Variants in HS3ST4 observed in about 807,000 individuals in gnomAD.
The protein encoded by HS3ST4 is heparan sulfate-glucosamine 3-sulfotransferase 4, also known as heparan sulfate glucosamine 3-O-sulfotransferase 4.
A neutral mutation model predicts 29.2 loss-of-function variants in HS3ST4; 17 were observed. The ratio of observed to expected loss-of-function variants is 0.58; its 90% CI spans 0.40 to 0.87. HS3ST4 has a LOEUF of 0.87. Ranked by LOEUF, HS3ST4 falls within the 40% of genes least tolerant of loss-of-function variation. The pLI, the probability that HS3ST4 is intolerant of heterozygous loss-of-function variation, is 0.00. For missense variants in HS3ST4, 627 were observed against 634.5 expected (o/e 0.99, Z 0.13); for synonymous variants, 314 against 285.7 (o/e 1.10, Z -1.00).
chr16:25,956,541 G>C (rs1452836458), intron 1 of HS3ST4, among the ~76,000 whole-genome samples: 1 of 152,166 alleles, frequency 6.6e-6, no homozygotes, highest in Non-Finnish European at 1.5e-5. Context: ...CCAGTGATAT[G>C]ATCTTATACC....
chr16:25,970,835 A>C (rs1968889981), intron 1 of HS3ST4, among the ~76,000 whole-genome samples: 1 of 151,520 alleles, frequency 6.6e-6, no homozygotes, highest in Non-Finnish European at 1.5e-5. Context: ...TTTACATGAC[A>C]CCTTTTGTAC....
intron 1 of HS3ST4, among the ~76,000 whole-genome samples, chr16:25,739,751 G>C (rs1403857732): frequency 2.0e-5 from 3 of 152,172 alleles, no homozygotes; most frequent in Non-Finnish European, 4.4e-5. Flanking sequence ...TGATGATGTT[G>C]GTTATTGAAA....
At chr16:25,920,602 A>G (rs55979509) in intron 1 of HS3ST4, among the ~76,000 whole-genome samples, 1 of 88,162 alleles carries the variant, frequency 1.1e-5, no homozygotes, top group African/African-American at 5.9e-5. Flanking sequence ...TGCCGCCCCC[A>G]CCCCTCTTTT....
intron 1 of HS3ST4, among the ~76,000 whole-genome samples, chr16:25,850,479 C>T (rs138676537): frequency 6.4e-4 from 98 of 152,292 alleles, no homozygotes; most frequent in African/African-American, 2.3e-3. Flanking sequence ...TATTCTTCCC[C>T]TCTATGTCTA....
At chr16:26,118,925 A>G (rs1274041529) in intron 1 of HS3ST4, among the ~76,000 whole-genome samples, 1 of 152,226 alleles carries the variant, frequency 6.6e-6, no homozygotes, top group African/African-American at 2.4e-5. Flanking sequence ...GGATTTAAGC[A>G]CAGGAGTGAT....
chr16:26,093,369 T>C (rs1345035777), intron 1 of HS3ST4, among the ~76,000 whole-genome samples: 2 of 152,000 alleles, frequency 1.3e-5, no homozygotes, highest in Non-Finnish European at 2.9e-5. Flanking sequence ...AGGCGGGTGC[T>C]CCTCTGGGAC....
At chr16:26,039,224 C>T (rs1458173136) in intron 1 of HS3ST4, among the ~76,000 whole-genome samples, 1 of 152,130 alleles carries the variant, frequency 6.6e-6, no homozygotes, top group Non-Finnish European at 1.5e-5. Context: ...TGAATACATT[C>T]ACATTATTAA....
chr16:25,786,698 T>G (rs1966858167), intron 1 of HS3ST4, among the ~76,000 whole-genome samples: 1 of 152,224 alleles, frequency 6.6e-6, no homozygotes, highest in Non-Finnish European at 1.5e-5. Flanking sequence ...GAATGCATGT[T>G]GTACAAGAAC....
chr16:26,054,920 G>A (rs1898389513), intron 1 of HS3ST4, among the ~76,000 whole-genome samples: 1 of 152,016 alleles, frequency 6.6e-6, no homozygotes, highest in Admixed American at 6.6e-5. Context: ...AGAGAATCTT[G>A]ACTCCTTGCT....
intron 1 of HS3ST4, among the ~76,000 whole-genome samples, chr16:25,879,980 GC>G (rs1967876756): frequency 6.6e-6 from 1 of 151,824 alleles, no homozygotes; most frequent in Non-Finnish European, 1.5e-5. Context: ...TGGGGGAACT[GC>G]CCCCCATGAT....
At chr16:26,038,008 GAA>G (rs1969599194) in intron 1 of HS3ST4, among the ~76,000 whole-genome samples, 1 of 152,162 alleles carries the variant, frequency 6.6e-6, no homozygotes, top group Non-Finnish European at 1.5e-5. Context: ...CTGTCTCTCA[GAA>G]GAGTAAAAGT....
At chr16:25,829,858 C>T (rs1372823322) in intron 1 of HS3ST4, among the ~76,000 whole-genome samples, 2 of 152,098 alleles carry the variant, frequency 1.3e-5, no homozygotes, top group Non-Finnish European at 2.9e-5. Context: ...GAGTCTTGCT[C>T]TGTCGCCCAG....
intron 1 of HS3ST4, among the ~76,000 whole-genome samples, chr16:26,121,858 T>C (rs1310415008): frequency 5.9e-5 from 9 of 152,222 alleles, no homozygotes; most frequent in African/African-American, 2.2e-4. Context: ...AGGGGCACTC[T>C]TTGAGTGTTT....
chr16:25,767,322 C>T (rs1966826802), intron 1 of HS3ST4, among the ~76,000 whole-genome samples: 1 of 152,088 alleles, frequency 6.6e-6, no homozygotes, highest in African/African-American at 2.4e-5. Context: ...CTTGGATTAG[C>T]CCAGGGACTA....
At chr16:25,702,956 T>C (rs997280654) in intron 1 of HS3ST4, among the ~76,000 whole-genome samples, 1 of 151,956 alleles carries the variant, frequency 6.6e-6, no homozygotes, top group Non-Finnish European at 1.5e-5. Context: ...GTCAAGAGAT[T>C]GAGACCATCC....
intron 1 of HS3ST4, among the ~76,000 whole-genome samples, chr16:25,869,203 G>A (rs1051921630): frequency 1.5e-4 from 23 of 152,102 alleles, no homozygotes; most frequent in African/African-American, 5.3e-4. Flanking sequence ...CCAGGCTGGC[G>A]ATTTGCTCTC....
At chr16:25,790,257 A>G (rs1359397053) in intron 1 of HS3ST4, among the ~76,000 whole-genome samples, 2 of 152,112 alleles carry the variant, frequency 1.3e-5, no homozygotes, top group African/African-American at 4.8e-5. Flanking sequence ...CAAAAATACA[A>G]AAATTAGCTG....
At chr16:25,943,159 T>G (rs11074734) in intron 1 of HS3ST4, among the ~76,000 whole-genome samples, 10,961 of 152,296 alleles carry the variant, frequency 0.072, 537 homozygotes, top group South Asian at 0.1. Flanking sequence ...AGCCACATTT[T>G]AAATGCTGAG....
intron 1 of HS3ST4, among the ~76,000 whole-genome samples, chr16:26,013,952 A>G (rs1969338275): frequency 1.3e-5 from 2 of 152,040 alleles, no homozygotes; most frequent in South Asian, 4.1e-4. Context: ...AGGTTGCAGT[A>G]AGCTGAGATC....
Sources: gnomAD v4.1 joint callset for allele counts (sites outside exome capture counted in the v4.1 genomes callset) on GRCh38, gnomAD v4.1.1 for gene constraint, MANE v1.5 for transcripts, NCBI Gene and HGNC (gene_info 2026-07-23, HGNC 2026-07-21) for gene names.